RNF220: variants seen among roughly 807,000 people sequenced by gnomAD.
RNF220 encodes E3 ubiquitin-protein ligase RNF220.
In RNF220, 7 loss-of-function variants were observed where a neutral mutation model predicts 67.1. That is an observed-to-expected ratio of 0.10 (90% CI 0.06 to 0.20). The LOEUF (loss-of-function observed/expected upper bound fraction) is 0.20, where lower values mean the gene tolerates loss of function less well. Ranked by LOEUF, RNF220 falls within the 10% of genes least tolerant of loss-of-function variation. The pLI is 1.00. For synonymous variants in RNF220, 270 were observed against 283.2 expected (o/e 0.95, Z 0.47); for missense variants, 565 against 740.3 (o/e 0.76, Z 2.75).
At position 44,489,399 on chromosome 1, in the gene RNF220, A is replaced by G. The variant is rs116681710; in HGVS notation, c.625+76677A>G. Among the ~76,000 whole-genome samples the G allele has an allele frequency of 4.1e-3, 627 of 152,358 alleles. 3 individuals carry two copies. Among genetic ancestry groups the G allele is most frequent in the South Asian group, 0.017 (84 of 4,830 alleles). On this transcript the variant is annotated intron_variant, in intron 2 of 14. Transcript: ENST00000361799. ...TAAACACTGTAAGAACAATTCGATA[A>G]GCTGTCTTGGGAGTTCAGAGGAAAG...
chr1:44,568,727 G>A (rs530625398), intron 2 of RNF220, among the ~76,000 whole-genome samples: 7 of 152,332 alleles, frequency 4.6e-5, no homozygotes, highest in African/African-American at 7.2e-5. Flanking sequence ...GCTGGGACGC[G>A]TGCAGAAGGT....
intron 2 of RNF220, among the ~76,000 whole-genome samples, chr1:44,446,749 G>A (rs1033366836): frequency 2.3e-4 from 35 of 152,082 alleles, no homozygotes; most frequent in African/African-American, 8.5e-4. Context: ...AGTAGAGACG[G>A]GGTTTCACCA....
intron 2 of RNF220, among the ~76,000 whole-genome samples, chr1:44,515,114 C>T (rs900934076): frequency 1.3e-5 from 2 of 152,212 alleles, no homozygotes; most frequent in Non-Finnish European, 2.9e-5. Context: ...GTATAGCTAT[C>T]AGCAGCAGGG....
chr1:44,436,082 C>G (rs1172839560), intron 2 of RNF220, among the ~76,000 whole-genome samples: 1 of 152,008 alleles, frequency 6.6e-6, no homozygotes, highest in African/African-American at 2.4e-5. Flanking sequence ...ATGTATATGC[C>G]TCCTTGACAC....
intron 2 of RNF220, among the ~76,000 whole-genome samples, chr1:44,468,539 G>T (rs1292734705): frequency 3.3e-5 from 5 of 152,178 alleles, no homozygotes; most frequent in African/African-American, 1.2e-4. Context: ...GAGGGGAATT[G>T]AGCTGGAAAA....
At chr1:44,531,677 C>A (rs1337587861) in intron 2 of RNF220, among the ~76,000 whole-genome samples, 1 of 152,112 alleles carries the variant, frequency 6.6e-6, no homozygotes, top group Non-Finnish European at 1.5e-5. Flanking sequence ...AAAGACAGCC[C>A]CCAAAGCCAT....
intron 2 of RNF220, among the ~76,000 whole-genome samples, chr1:44,580,649 A>G (rs1359051681): frequency 1.3e-5 from 2 of 152,238 alleles, no homozygotes; most frequent in Non-Finnish European, 2.9e-5. Flanking sequence ...GTGTTTGGGC[A>G]GGCCACCTAT....
At chr1:44,498,646 C>G (rs1657559708) in intron 2 of RNF220, among the ~76,000 whole-genome samples, 1 of 152,148 alleles carries the variant, frequency 6.6e-6, no homozygotes, top group Non-Finnish European at 1.5e-5. Flanking sequence ...TGTCTGACCC[C>G]TCAACTGCCA....
intron 2 of RNF220, among the ~76,000 whole-genome samples, chr1:44,520,124 TGTGTGA>T (rs769360072): frequency 0.018 from 2,534 of 142,410 alleles, 14 homozygotes; most frequent in South Asian, 0.044. Context: ...TGTGTGTGTG[TGTGTGA>T]GAGAGAGAGA....
At chr1:44,632,100 T>G in intron 5 of RNF220, 1 of 1,428,610 alleles carries the variant, frequency 7.0e-7, no homozygotes, top group Non-Finnish European at 9.3e-7. Flanking sequence ...AGGCCAGGGC[T>G]GGGGCGGCAC....
At chr1:44,467,408 T>C (rs960913375) in intron 2 of RNF220, among the ~76,000 whole-genome samples, 218 of 152,294 alleles carry the variant, frequency 1.4e-3, no homozygotes, top group African/African-American at 5.1e-3. Flanking sequence ...GCAGGGTTTC[T>C]CCATGTTGGT....
At chr1:44,445,785 G>A (rs1183663810) in intron 2 of RNF220, among the ~76,000 whole-genome samples, 2 of 152,184 alleles carry the variant, frequency 1.3e-5, no homozygotes, top group African/African-American at 4.8e-5. Flanking sequence ...CCTGTTTATT[G>A]CATTTATTGG....
chr1:44,517,816 C>T (rs978030013), intron 2 of RNF220, among the ~76,000 whole-genome samples: 22 of 152,288 alleles, frequency 1.4e-4, no homozygotes, highest in African/African-American at 4.8e-4. Flanking sequence ...GATTTAAATC[C>T]GCCTCTAGGG....
intron 1 of RNF220, among the ~76,000 whole-genome samples, chr1:44,409,339 C>T (rs1647739266): frequency 6.6e-6 from 1 of 152,238 alleles, no homozygotes; most frequent in African/African-American, 2.4e-5. Flanking sequence ...TTGATCCCTC[C>T]TCCTTGTTTA....
chr1:44,438,670 G>A (rs1455587688), intron 2 of RNF220, among the ~76,000 whole-genome samples: 1 of 152,176 alleles, frequency 6.6e-6, no homozygotes, highest in Non-Finnish European at 1.5e-5. Context: ...CCCATTTAAG[G>A]AGACAAAAAC....
intron 2 of RNF220, among the ~76,000 whole-genome samples, chr1:44,455,070 C>G (rs921534374): frequency 6.6e-6 from 1 of 152,112 alleles, no homozygotes; most frequent in African/African-American, 2.4e-5. Context: ...AGCAGAATTG[C>G]TGGGTTAAAT....
intron 2 of RNF220, among the ~76,000 whole-genome samples, chr1:44,559,308 G>A (rs183729424): frequency 6.6e-5 from 10 of 152,294 alleles, no homozygotes; most frequent in Admixed American, 2.6e-4. Context: ...GCTTCCCCTC[G>A]GCCCTAGCAG....
chr1:44,547,351 C>A (rs753811215), intron 2 of RNF220, among the ~76,000 whole-genome samples: 9 of 152,356 alleles, frequency 5.9e-5, no homozygotes, highest in Non-Finnish European at 1.0e-4. Context: ...GTCCTTACCT[C>A]TTTGGTGAAT....
At chr1:44,551,080 G>T (rs1359530910) in intron 2 of RNF220, among the ~76,000 whole-genome samples, 1 of 149,490 alleles carries the variant, frequency 6.7e-6, no homozygotes, top group Non-Finnish European at 1.5e-5. Context: ...TGTAGGTCTG[G>T]AAGTGTCACC....
Sources: gnomAD v4.1 joint callset for allele counts (sites outside exome capture counted in the v4.1 genomes callset) on GRCh38, gnomAD v4.1.1 for gene constraint, MANE v1.5 for transcripts, NCBI Gene and HGNC (gene_info 2026-07-23, HGNC 2026-07-21) for gene names.